The following UBAC2 variants were observed in gnomAD, a reference collection of about 807,000 sequenced individuals.
The protein encoded by UBAC2 is UBA domain containing 2.
In UBAC2, 26 loss-of-function variants were observed where a neutral mutation model predicts 44.0. The ratio of observed to expected loss-of-function variants is 0.59; its 90% CI spans 0.43 to 0.82. The LOEUF is 0.82. UBAC2 is among the 40% of genes least tolerant of loss of function. The pLI, the probability that UBAC2 is intolerant of heterozygous loss-of-function variation, is 0.00. For synonymous variants in UBAC2, 155 were observed against 154.3 expected, an observed-to-expected ratio of 1.00 and a Z score of -0.04; for missense variants, 329 against 419.4, an observed-to-expected ratio of 0.78 and a Z score of 1.88.
chr13:99,325,389 C>T (rs1209878689), intron 6 of UBAC2, among the ~76,000 whole-genome samples: 1 of 152,160 alleles, frequency 6.6e-6, no homozygotes, highest in Non-Finnish European at 1.5e-5. Flanking sequence ...AGACATGAGC[C>T]ACAGTGCCCG....
intron 7 of UBAC2, 106 bp downstream of exon 7, chr13:99,340,671 C>T (rs2044872482): frequency 2.4e-6 from 3 of 1,271,858 alleles, no homozygotes; most frequent in Non-Finnish European, 3.2e-6. Context: ...ATTCCAGTGC[C>T]TTGCAAGTGG....
intron 7 of UBAC2, 26 bp downstream of exon 7, chr13:99,340,591 A>T: frequency 1.9e-6 from 3 of 1,596,678 alleles, no homozygotes; most frequent in Non-Finnish European, 2.6e-6. Flanking sequence ...ATCACTAAAA[A>T]TTTAGAAATT....
chr13:99,231,768 T>C (rs2142710022), intron 1 of UBAC2, among the ~76,000 whole-genome samples: 2 of 152,324 alleles, frequency 1.3e-5, no homozygotes, highest in South Asian at 4.1e-4. Flanking sequence ...GATCTATTTT[T>C]GTAAAATGTC....
intron 8 of UBAC2, among the ~76,000 whole-genome samples, chr13:99,381,370 A>G (rs1450774967): frequency 6.6e-6 from 1 of 152,252 alleles, no homozygotes; most frequent in African/African-American, 2.4e-5. Flanking sequence ...CATTTGCCAG[A>G]TCTCCAAATT....
intron 6 of UBAC2, among the ~76,000 whole-genome samples, chr13:99,336,237 C>T (rs9300537): frequency 0.17 from 26,433 of 152,088 alleles, 2,507 homozygotes; most frequent in Middle Eastern, 0.22. Context: ...CTGAATGCTG[C>T]CTTGGTTGGC....
Position 99,346,099 on chromosome 13 carries a change from AG to A in UBAC2, c.807+5535del, listed in dbSNP as rs2044975586. 3.3e-5 allele frequency among the ~76,000 whole-genome samples: 5 copies of A among 152,252 alleles called. No individual in the cohort carries two copies. The South Asian group carries it at 1.0e-3, about 32-fold the overall frequency. On this transcript the variant is annotated intron_variant, in intron 7 of 8. Transcript: ENST00000403766. Reference sequence around the variant, plus strand: ...CTTTCTCACTCCCTACCTGATGAAAAGCACCCATTGTTTACCCGAAAGTCCA... The same window carrying A: ...CTTTCTCACTCCCTACCTGATGAAAACACCCATTGTTTACCCGAAAGTCCA...
rs777364107 is a variant in UBAC2, at chr13:99,295,474, G to C, written c.390-18623G>C. The C allele has an allele frequency of 9.3e-6, 15 of 1,613,954 alleles. No homozygotes were observed. Among genetic ancestry groups the C allele is most frequent in the Non-Finnish European group, 1.1e-5 (13 of 1,180,018 alleles). ...TGAGTGGGTTTTGTTTGGCAGTTCT[G>C]AAGAGTTTGCAGCAGATCTGAGAAT... On this transcript the variant is annotated intron_variant, in intron 4 of 8. Transcript: ENST00000403766. The surrounding 1 kb of genome is among the most constrained non-coding windows in gnomAD (Gnocchi z 4.1).
At chr13:99,263,481 C>T (rs138188303) in intron 4 of UBAC2, among the ~76,000 whole-genome samples, 5 of 152,174 alleles carry the variant, frequency 3.3e-5, no homozygotes, top group African/African-American at 7.2e-5. Context: ...AGAATGCCTA[C>T]GATGAAAAAG....
At chr13:99,373,171 GTTTTT>G (rs58290528) in intron 8 of UBAC2, among the ~76,000 whole-genome samples, 7 of 140,028 alleles carry the variant, frequency 5.0e-5, no homozygotes, top group African/African-American at 1.3e-4. Context: ...CTTTTTTATT[GTTTTT>G]TTTTTTTTTT....
intron 8 of UBAC2, among the ~76,000 whole-genome samples, chr13:99,370,724 C>G (rs1040331938): frequency 2.0e-5 from 3 of 152,210 alleles, no homozygotes; most frequent in Non-Finnish European, 2.9e-5. Flanking sequence ...AAACCACTGT[C>G]ACGTGCCCAT....
chr13:99,255,301 C>G (rs377064623), intron 4 of UBAC2: 2 of 1,613,980 alleles, frequency 1.2e-6, no homozygotes, highest in African/African-American at 1.3e-5. Context: ...AAATGTCAGT[C>G]GAGTGAGGTT....
chr13:99,269,678 T>C (rs968979102), intron 4 of UBAC2, among the ~76,000 whole-genome samples: 10 of 152,316 alleles, frequency 6.6e-5, no homozygotes, highest in African/African-American at 2.4e-4. Context: ...ATATTCAAAA[T>C]AAATTACATT....
intron 4 of UBAC2, among the ~76,000 whole-genome samples, chr13:99,263,343 A>G (rs907954760): frequency 1.3e-5 from 2 of 152,220 alleles, no homozygotes; most frequent in South Asian, 4.1e-4. Context: ...TTCCATGGCC[A>G]AAAGACTTGA....
chr13:99,340,569 A>G lies in UBAC2; in HGVS notation c.807+4A>G. 1.2e-6 allele frequency: 2 copies of G among 1,608,868 alleles called. No individual in the cohort carries two copies. The highest frequency in any genetic ancestry group is 1.7e-6 in the Non-Finnish European group (2 of 1,176,626). On this transcript the variant is annotated splice_donor_region_variant and intron_variant, in intron 7 of 8. Transcript: ENST00000403766. Reference sequence around the variant, plus strand: ...GAGGCGACAGAGACAGCAGCAGGTAAAAGTGATAATAATCACTAAAAATTT... The same window carrying G: ...GAGGCGACAGAGACAGCAGCAGGTAGAAGTGATAATAATCACTAAAAATTT...
At chr13:99,360,921 C>T (rs2045256906) in intron 7 of UBAC2, among the ~76,000 whole-genome samples, 2 of 152,316 alleles carry the variant, frequency 1.3e-5, no homozygotes, top group South Asian at 2.1e-4. Context: ...GTGCCTGGCT[C>T]ACACTCTCCT....
At chr13:99,353,075 T>C (rs1451543895) in intron 7 of UBAC2, among the ~76,000 whole-genome samples, 2 of 152,224 alleles carry the variant, frequency 1.3e-5, no homozygotes, top group Non-Finnish European at 2.9e-5. Flanking sequence ...TGAAAACGAT[T>C]CTTTTCAAGT....
intron 4 of UBAC2, chr13:99,255,966 C>G: frequency 8.3e-7 from 1 of 1,206,284 alleles, no homozygotes; most frequent in Non-Finnish European, 1.2e-6. Flanking sequence ...AAATGCTTAA[C>G]ATTCTCCCAC....
intron 6 of UBAC2, among the ~76,000 whole-genome samples, chr13:99,322,754 G>A (rs911369867): frequency 3.3e-5 from 5 of 152,182 alleles, no homozygotes; most frequent in African/African-American, 9.7e-5. Flanking sequence ...TTTCTGTAAG[G>A]AGTGGGGATC....
At chr13:99,292,888 T>C (rs1015000121) in intron 4 of UBAC2, among the ~76,000 whole-genome samples, 3 of 152,224 alleles carry the variant, frequency 2.0e-5, no homozygotes, top group African/African-American at 7.2e-5. Context: ...TAAAGTCATG[T>C]TCTGTAACAG....
Sources: gnomAD v4.1 joint callset for allele counts (sites outside exome capture counted in the v4.1 genomes callset) on GRCh38, gnomAD v4.1.1 for gene constraint, Gnocchi (gnomAD v3.1) non-coding constraint, MANE v1.5 for transcripts, NCBI Gene and HGNC (gene_info 2026-07-23, HGNC 2026-07-21) for gene names.